Variants in LLGL1 observed in about 807,000 individuals in gnomAD.
LLGL1 encodes LLGL scribble cell polarity complex component 1.
Under a neutral mutation model 110.6 loss-of-function variants are expected in LLGL1, and 58 were observed. The ratio of observed to expected loss-of-function variants is 0.52; its 90% CI spans 0.42 to 0.65. The LOEUF is 0.65. Among genes scored for constraint, LLGL1 ranks in the 30% least tolerant of loss-of-function variants. LLGL1 has a pLI of 0.00. For missense variants in LLGL1, 1,229 were observed against 1,462.1 expected (o/e 0.84, Z 2.60); for synonymous variants, 674 against 607.2 (o/e 1.11, Z -1.62).
chr17:18,243,058 G>A (rs2047883673), intron 22 of LLGL1, among the ~76,000 whole-genome samples: 1 of 152,222 alleles, frequency 6.6e-6, no homozygotes, highest in Non-Finnish European at 1.5e-5. Flanking sequence ...CTCAGCCCTT[G>A]CATGTGACAG....
Position 18,235,295 on chromosome 17 carries a change from C to A in LLGL1, c.1267C>A (p.Pro423Thr). 6.2e-7 allele frequency: 1 copy of A among 1,610,452 alleles called. No individual in the cohort carries two copies. Residue 423 changes from proline to threonine, a missense_variant, in exon 10 of 23, where the codon CCT (proline) becomes ACT (threonine). Physicochemically the swap from Pro to Thr is conservative, Grantham distance 38. Transcript: ENST00000316843. ...VSAGEQQSPQ[P>T]VSSALSWPIT... ...CGCTGGCGAGCAGCAGAGCCCCCAGCCTGTCTCCAGTGCCTTGGTGTGTGC... is the reference window on the plus strand; with the variant it reads ...CGCTGGCGAGCAGCAGAGCCCCCAGACTGTCTCCAGTGCCTTGGTGTGTGC...
chr17:18,237,814 C>T (rs764701792), intron 14 of LLGL1, 41 bp downstream of exon 14: 58 of 1,567,116 alleles, frequency 3.7e-5, no homozygotes, highest in African/African-American at 5.4e-5. Flanking sequence ...GAGCCCCCAG[C>T]GAGATGGGGT....
chr17:18,235,585 G>C (rs1412490547), intron 11 of LLGL1, 48 bp downstream of exon 11: 1 of 1,585,624 alleles, frequency 6.3e-7, no homozygotes, highest in Non-Finnish European at 8.6e-7. Flanking sequence ...GCTGTTGGGG[G>C]AGAGCCCATC....
In LLGL1 at chr17:18,241,552, G is replaced by T; in HGVS notation, c.2604G>T (p.Val868=). The stretch of plus-strand genomic sequence containing the variant: ...TGGCACTGGCCACGTTTGCCAGTGT[G>T]GCCTGCGAGGACTATGCTGAGACCT... ...RKVALATFAS[V]ACEDYAETCL... is the part of the protein sequence containing the mutation. Residue 868 remains valine (V), a synonymous_variant, in exon 18 of 23, where the codon GTG becomes GTT. Coordinates refer to ENST00000316843, the MANE Select transcript of LLGL1 (RefSeq NM_004140.4). 1 of 1,613,870 alleles carries T rather than the reference G, an allele frequency of 6.2e-7. No individual in the cohort carries two copies. Among genetic ancestry groups the T allele is most frequent in the Non-Finnish European group, 8.5e-7 (1 of 1,180,030 alleles).
intron 2 of LLGL1, among the ~76,000 whole-genome samples, chr17:18,231,352 C>T (rs562014706): frequency 2.2e-3 from 330 of 152,328 alleles, no homozygotes; most frequent in Non-Finnish European, 4.2e-3. Flanking sequence ...GTCCCTTCTT[C>T]GGAGTTTCTC....
chr17:18,242,835 T>TG lies in LLGL1; in HGVS notation c.*1+17dup, dbSNP rs1254052357. 1.9e-6 allele frequency: 3 copies of TG among 1,543,750 alleles called. No homozygotes were observed. Among genetic ancestry groups the TG allele is most frequent in the East Asian group, 2.4e-5 (1 of 40,980 alleles). ...CTGATCAAATGAGGTGCTGCAGGGGTGGGGCCCTGGTCCTCACCACTGGTG... is the reference window on the plus strand; with the variant it reads ...CTGATCAAATGAGGTGCTGCAGGGGTGGGGGCCCTGGTCCTCACCACTGGTG... On this transcript the variant is annotated intron_variant, in intron 22 of 22. Coordinates refer to ENST00000316843, the MANE Select transcript of LLGL1 (RefSeq NM_004140.4).
chr17:18,231,232 G>A (rs1384137133), intron 2 of LLGL1, among the ~76,000 whole-genome samples: 1 of 152,160 alleles, frequency 6.6e-6, no homozygotes, highest in Non-Finnish European at 1.5e-5. Flanking sequence ...GGGAAACTGA[G>A]GCTGGAGAGG....
At position 18,240,183 on chromosome 17, in the gene LLGL1, C is replaced by T. The variant is rs1037317958; in HGVS notation, c.2207-395C>T. Among the ~76,000 whole-genome samples, 5 of 151,870 alleles carry T rather than the reference C, an allele frequency of 3.3e-5. No individual in the cohort carries two copies. Among genetic ancestry groups the T allele is most frequent in the African/African-American group, 1.2e-4 (5 of 41,354 alleles). On this transcript the variant is annotated intron_variant, in intron 16 of 22. Transcript: ENST00000316843. This position sits in a 1 kb window ranked among gnomAD's most constrained non-coding sequence, Gnocchi z 5.3. Reference sequence around the variant, plus strand: ...GGGACGCAGGGGTGGAGAGAGGAGTCGGGGTCTTGTGGGGCTTGGGGCCTG... The same window carrying T: ...GGGACGCAGGGGTGGAGAGAGGAGTTGGGGTCTTGTGGGGCTTGGGGCCTG...
Position 18,234,846 on chromosome 17 carries a change from T to C in LLGL1, c.913T>C (p.Phe305Leu). Residue 305 changes from phenylalanine to leucine, a missense_variant, in exon 9 of 23, where the codon TTT (phenylalanine) becomes CTT (leucine). Phe to Leu is a conservative substitution (Grantham distance 22). Transcript: ENST00000316843. ...LWRNCESGGHFIIFSGGMPRA... is the reference protein window; with the variant it reads ...LWRNCESGGHLIIFSGGMPRA... ...ACCTCCCTCTGCACATAGGGGCCACTTTATCATCTTCAGCGGTGGCATGCC... is the reference window on the plus strand; with the variant it reads ...ACCTCCCTCTGCACATAGGGGCCACCTTATCATCTTCAGCGGTGGCATGCC... 1 of 1,614,024 alleles carries C rather than the reference T, an allele frequency of 6.2e-7. No individual in the cohort carries two copies. Among genetic ancestry groups the C allele is most frequent in the Admixed American group, 1.7e-5 (1 of 60,006 alleles).
At chr17:18,230,248 C>T (rs563937988) in intron 2 of LLGL1, among the ~76,000 whole-genome samples, 90 of 152,242 alleles carry the variant, frequency 5.9e-4, no homozygotes, top group African/African-American at 2.0e-3. Flanking sequence ...TGCTGAGAGA[C>T]GGGTGGTGGG....
Position 18,240,600 on chromosome 17 carries a change from G to A in LLGL1, c.2229G>A (p.Met743Ile). 1 of 1,601,570 alleles carries A rather than the reference G, an allele frequency of 6.2e-7. No individual in the cohort carries two copies. Among genetic ancestry groups the A allele is most frequent in the Middle Eastern group, 2.0e-4 (1 of 5,008 alleles). Residue 743 changes from methionine (M) to isoleucine (I), a missense_variant, in exon 17 of 23, where the codon ATG becomes ATA. By Grantham distance (10) the Met-to-Ile change is conservative (BLOSUM62 1). Transcript: ENST00000316843. The surrounding 1 kb of genome is among the most constrained non-coding windows in gnomAD (Gnocchi z 5.3). The part of the protein sequence containing the change: ...LRDGAHHGPT[M>I]WAGTNSGSVF... Reference sequence around the variant, plus strand: ...CAGGGGCCCACCACGGGCCCACCATGTGGGCTGGCACCAACTCAGGCTCTG... The same window carrying A: ...CAGGGGCCCACCACGGGCCCACCATATGGGCTGGCACCAACTCAGGCTCTG...
In LLGL1 at chr17:18,242,192, T is replaced by C. The variant is rs113789104; in HGVS notation, c.2909T>C (p.Leu970Pro). ...TACAGGATCCGAGAGTCACCCAAGC[T>C]GAGCCAGGCTAACGGGACCCCAAGC... The part of the protein sequence containing the change: ...ASYRIRESPK[L>P]SQANGTPSIL... The change falls in exon 20 of 23, where the codon CTG (leucine) becomes CCG (proline). Residue 970 changes from leucine (L) to proline (P), a missense_variant. Leu to Pro is a moderately conservative substitution (Grantham distance 98). Transcript: ENST00000316843. The C allele has an allele frequency of 6.2e-7, 1 of 1,613,998 alleles. No homozygotes were observed. Among genetic ancestry groups the C allele is most frequent in the East Asian group, 2.2e-5 (1 of 44,852 alleles).
intron 17 of LLGL1, chr17:18,241,145 C>T: frequency 1.7e-6 from 1 of 587,974 alleles, no homozygotes; most frequent in Non-Finnish European, 3.0e-6. Context: ...GGCCCAGACC[C>T]CTGAGCCCAG....
chr17:18,236,016 A>C, intron 11 of LLGL1: 1 of 190,212 alleles, frequency 5.3e-6, no homozygotes, highest in South Asian at 9.9e-5. Flanking sequence ...ATGAGTCTCA[A>C]CCACCCCCAC....
rs760919886 is a variant in LLGL1, at chr17:18,242,596, C to T, written c.3084C>T (p.Asp1028=). ...ACACCACGCTGGACACGACAGGGGA[C>T]GTCACAGTGGAAGATGTGAAGGATT... ...SADTTLDTTG[D]VTVEDVKDFL... is the part of the protein sequence containing the mutation. Residue 1028 remains aspartate, a synonymous_variant, in exon 21 of 23, where the codon GAC becomes GAT. Coordinates refer to ENST00000316843, the MANE Select transcript of LLGL1 (RefSeq NM_004140.4). The T allele has an allele frequency of 6.2e-6, 10 of 1,613,850 alleles. No homozygotes were observed. The highest frequency in any genetic ancestry group is 3.3e-5 in the South Asian group (3 of 91,026).
intron 10 of LLGL1, 63 bp from the exon 11 acceptor site, chr17:18,235,407 G>A (rs2047670609): frequency 1.0e-5 from 16 of 1,607,678 alleles, no homozygotes; most frequent in Non-Finnish European, 1.4e-5. Context: ...TGCCATACTC[G>A]GGGTGAGAGG....
At chr17:18,236,801 C>T (rs374842687) in intron 12 of LLGL1, 34 bp from the exon 13 acceptor site, 37 of 1,612,580 alleles carry the variant, frequency 2.3e-5, no homozygotes, top group African/African-American at 5.3e-5. Context: ...GTCCTGACCC[C>T]GCCTGGACTC....
intron 22 of LLGL1, 81 bp downstream of exon 22, chr17:18,242,903 GTCT>G: frequency 7.5e-7 from 1 of 1,333,492 alleles, no homozygotes; most frequent in Non-Finnish European, 1.0e-6. Flanking sequence ...TTTGGCCCTG[GTCT>G]TCTACCTGAG....
chr17:18,240,459 G>A lies in LLGL1; in HGVS notation c.2207-119G>A. The A allele has an allele frequency of 8.1e-7, 1 of 1,235,674 alleles. No individual in the cohort carries two copies. The highest frequency in any genetic ancestry group is 1.1e-6 in the Non-Finnish European group (1 of 898,558). 76.5% of individuals were successfully genotyped at this position (1,235,674 alleles called of 1,614,324 possible). On this transcript the variant is annotated intron_variant, in intron 16 of 22. Transcript: ENST00000316843. This position sits in a 1 kb window ranked among gnomAD's most constrained non-coding sequence, Gnocchi z 5.3. ...GGGAATCAGCCCTGAGTCCCAGGGT[G>A]TCATAGTTAGGAAGCAGGGCTACAA...
Sources: gnomAD v4.1 joint callset for allele counts (sites outside exome capture counted in the v4.1 genomes callset) on GRCh38, gnomAD v4.1.1 for gene constraint, Gnocchi (gnomAD v3.1) non-coding constraint, MANE v1.5 for transcripts, NCBI Gene and HGNC (gene_info 2026-07-23, HGNC 2026-07-21) for gene names.